Variants in RPS5 observed in about 807,000 individuals in gnomAD.
The protein encoded by RPS5 is small ribosomal subunit protein uS7.
A neutral mutation model predicts 20.9 loss-of-function variants in RPS5; 2 were observed. The ratio of observed to expected loss-of-function variants is 0.10; its 90% confidence interval spans 0.04 to 0.30. The LOEUF is 0.30. RPS5 is among the 10% of genes least tolerant of loss of function. RPS5 has a pLI of 1.00. For synonymous variants in RPS5, 112 were observed against 105.8 expected (o/e 1.06, Z -0.36); for missense variants, 122 against 287.2 (o/e 0.42, Z 4.16).
At chr19:58,391,054 T>A (rs1306967859) in intron 2 of RPS5, among the ~76,000 whole-genome samples, 1 of 152,328 alleles carries the variant, frequency 6.6e-6, no homozygotes, top group South Asian at 2.1e-4. Context: ...TTTCTTCCCC[T>A]TTACATACTC....
At chr19:58,391,045 T>C (rs8106933) in intron 2 of RPS5, among the ~76,000 whole-genome samples, 15,464 of 152,236 alleles carry the variant, frequency 0.1, 2,672 homozygotes, top group African/African-American at 0.35. Context: ...CATAGCTCCT[T>C]TCTTCCCCTT....
At chr19:58,391,081 CAT>C (rs1379063584) in intron 2 of RPS5, among the ~76,000 whole-genome samples, 1 of 152,140 alleles carries the variant, frequency 6.6e-6, no homozygotes, top group East Asian at 1.9e-4. Context: ...AACTTTTTGG[CAT>C]TTTTCTAGAT....
At position 58,392,761 on chromosome 19, in the gene RPS5, T is replaced by A. The variant is rs188443150; in HGVS notation, c.109-215T>A. Among the ~76,000 whole-genome samples the A allele has an allele frequency of 1.2e-3, 187 of 152,162 alleles. 2 individuals are homozygous for A. Among genetic ancestry groups the A allele is most frequent in the African/African-American group, 4.2e-3 (174 of 41,522 alleles). ...TCCCACTCTTCCATTACGAAGGAAGTGTACTTTTTAGCGACTTGGTAAAGT... is the reference window on the plus strand; with the variant it reads ...TCCCACTCTTCCATTACGAAGGAAGAGTACTTTTTAGCGACTTGGTAAAGT... On this transcript the variant is annotated intron_variant, in intron 2 of 5. Coordinates refer to ENST00000196551, the MANE Select transcript of RPS5 (RefSeq NM_001009.4).
chr19:58,390,320 G>A (rs937212929), intron 2 of RPS5, among the ~76,000 whole-genome samples: 3 of 146,402 alleles, frequency 2.0e-5, no homozygotes, highest in Non-Finnish European at 4.5e-5. Context: ...TCAGCCTCCC[G>A]AAGTGCTGGG....
In RPS5 at chr19:58,393,192, C is replaced by G. The variant is rs1228344252; in HGVS notation, c.318+7C>G. The G allele has an allele frequency of 1.2e-6, 2 of 1,614,182 alleles. No homozygotes were observed. The highest frequency in any genetic ancestry group is 1.7e-5 in the Admixed American group (1 of 60,030). On this transcript the variant is annotated splice_region_variant and intron_variant, in intron 3 of 5. Coordinates refer to ENST00000196551, the MANE Select transcript of RPS5 (RefSeq NM_001009.4). ...ACACCTGCTCACAGGCGAGGTAGGG[C>G]TCTGTGGCCTGGTGAGGGCAGGCTG...
chr19:58,391,432 C>CAAAAAAAAAA (rs35576516), intron 2 of RPS5, among the ~76,000 whole-genome samples: 4 of 75,984 alleles, frequency 5.3e-5, no homozygotes, highest in African/African-American at 2.4e-4. Context: ...AACTCCATCT[C>CAAAAAAAAAA]AAAAAAAAAA....
chr19:58,388,075 T>A, intron 1 of RPS5, 62 bp from the exon 2 acceptor site: 1 of 1,140,130 alleles, frequency 8.8e-7, no homozygotes, highest in Non-Finnish European at 1.3e-6. Flanking sequence ...TGGGAATGAG[T>A]GCGCCTTTGC....
At chr19:58,392,281 G>C (rs949823483) in intron 2 of RPS5, among the ~76,000 whole-genome samples, 3 of 151,354 alleles carry the variant, frequency 2.0e-5, no homozygotes, top group African/African-American at 7.3e-5. Flanking sequence ...CCGAGGTTGC[G>C]CCACTGCACT....
At chr19:58,388,399 T>C (rs2052340810) in intron 2 of RPS5, 154 bp downstream of exon 2, 1 of 623,122 alleles carries the variant, frequency 1.6e-6, no homozygotes, top group African/African-American at 1.8e-5. Flanking sequence ...CCACATCTGC[T>C]CTTACGTCCT....
chr19:58,391,035 C>T (rs2052359781), intron 2 of RPS5, among the ~76,000 whole-genome samples: 1 of 152,194 alleles, frequency 6.6e-6, no homozygotes. Context: ...TTCGAATGCA[C>T]ATAGCTCCTT....
In RPS5 at chr19:58,394,559, T is replaced by C. The variant is rs905465944; in HGVS notation, c.510T>C (p.Ala170=). Residue 170 remains alanine (A), a synonymous_variant, in exon 5 of 6, where the codon GCT becomes GCC. Transcript: ENST00000196551. ...EAAFRNIKTI[A]ECLADELINA... is the part of the protein sequence containing the mutation. Reference sequence around the variant, plus strand: ...CCTTCCGGAACATTAAGACCATTGCTGAGTGCCTGGCAGATGAGCTCATCA... The same window carrying C: ...CCTTCCGGAACATTAAGACCATTGCCGAGTGCCTGGCAGATGAGCTCATCA... 6.2e-7 allele frequency: 1 copy of C among 1,614,152 alleles called. No homozygotes were observed. Among genetic ancestry groups the C allele is most frequent in the Non-Finnish European group, 8.5e-7 (1 of 1,180,022 alleles).
chr19:58,393,249 T>C (rs2052375621), intron 3 of RPS5, 64 bp downstream of exon 3: 1 of 1,611,406 alleles, frequency 6.2e-7, no homozygotes, highest in Non-Finnish European at 8.5e-7. Flanking sequence ...CCCCACGGAG[T>C]GTATGTCAGG....
chr19:58,394,402 G>T, intron 4 of RPS5, 95 bp from the exon 5 acceptor site: 1 of 1,017,646 alleles, frequency 9.8e-7, no homozygotes, highest in South Asian at 1.4e-5. Flanking sequence ...GGGCCTATGG[G>T]TGACAACGTG....
At chr19:58,393,771 G>A in intron 4 of RPS5, 1 of 381,726 alleles carries the variant, frequency 2.6e-6, no homozygotes, top group Non-Finnish European at 4.7e-6. Flanking sequence ...TTGAGAATCA[G>A]TTGCAGACAT....
At position 58,393,700 on chromosome 19, in the gene RPS5, C is replaced by T; in HGVS notation, c.447+213C>T. The T allele has an allele frequency of 1.0e-5, 6 of 585,076 alleles. No homozygotes were observed. The South Asian group carries it at 1.4e-4, about 14-fold the overall frequency. 36.2% of individuals were successfully genotyped at this position (585,076 alleles called of 1,614,324 possible). A position where few individuals can be genotyped will look rare whatever the true frequency, so the allele number is the denominator to read the frequency against. The stretch of plus-strand genomic sequence containing the variant: ...CATTTGGCAGAGGTCTTCTTTCTTT[C>T]CTTTGGGTGTATATTTTTACACTGT... On this transcript the variant is annotated intron_variant, in intron 4 of 5. Transcript: ENST00000196551.
At chr19:58,391,991 C>G (rs1255618818) in intron 2 of RPS5, among the ~76,000 whole-genome samples, 1 of 152,130 alleles carries the variant, frequency 6.6e-6, no homozygotes, top group African/African-American at 2.4e-5. Context: ...TTAGAGAACA[C>G]TTAGCAATGC....
Position 58,392,957 on chromosome 19 carries a change from C to T in RPS5, c.109-19C>T, listed in dbSNP as rs2052373313. On this transcript the variant is annotated intron_variant, in intron 2 of 5. Transcript: ENST00000196551. ...CTCCTGACCATTTTCCCTTCATTTC[C>T]TGCTCCCTGCTGCCCCAGGATTACA... 4 of 1,610,726 alleles carry T rather than the reference C, an allele frequency of 2.5e-6. No individual in the cohort carries two copies. Among genetic ancestry groups the T allele is most frequent in the Non-Finnish European group, 3.4e-6 (4 of 1,177,556 alleles).
chr19:58,387,982 T>C (rs2052337562), intron 1 of RPS5, 155 bp from the exon 2 acceptor site: 1 of 606,748 alleles, frequency 1.6e-6, no homozygotes, highest in Non-Finnish European at 3.0e-6. Flanking sequence ...GTAATTTTTC[T>C]AGTGCTTGAA....
chr19:58,388,633 GTAGT>G, intron 2 of RPS5: 2 of 275,150 alleles, frequency 7.3e-6, no homozygotes, highest in African/African-American at 5.1e-5. Flanking sequence ...TCAGCTGGCC[GTAGT>G]TTTTTTTTTT....
Sources: allele counts gnomAD v4.1 joint callset (sites outside exome capture counted in the v4.1 genomes callset), GRCh38; gene constraint gnomAD v4.1.1; transcripts MANE v1.5; gene names NCBI Gene and HGNC (gene_info 2026-07-23, HGNC 2026-07-21).